Variants in CACNA2D3 observed in about 807,000 individuals in gnomAD.
The protein encoded by CACNA2D3 is calcium voltage-gated channel auxiliary subunit alpha2delta 3, also known as voltage-dependent calcium channel subunit alpha-2/delta-3.
CACNA2D3 carries 60 observed loss-of-function variants against 160.6 expected under a neutral mutation model. The ratio of observed to expected loss-of-function variants is 0.37; its 90% confidence interval spans 0.30 to 0.46. The LOEUF is 0.46. Among genes scored for constraint, CACNA2D3 ranks in the 20% least tolerant of loss-of-function variants. CACNA2D3 has a pLI of 1.00. For synonymous variants in CACNA2D3, 558 were observed against 492.9 expected, an observed-to-expected ratio of 1.13 and a Z score of -1.75; for missense variants, 1,205 against 1,365.0, an observed-to-expected ratio of 0.88 and a Z score of 1.85.
At chr3:54,145,216 C>T (rs900514661) in intron 2 of CACNA2D3, among the ~76,000 whole-genome samples, 7 of 152,200 alleles carry the variant, frequency 4.6e-5, no homozygotes, top group Admixed American at 1.3e-4. Flanking sequence ...TAGGAATTAA[C>T]AATGGCTAAT....
At chr3:54,280,243 A>G (rs7627029) in intron 2 of CACNA2D3, among the ~76,000 whole-genome samples, 75,351 of 151,744 alleles carry the variant, frequency 0.5, 19,551 homozygotes, top group East Asian at 0.86. Context: ...CACCACGCCC[A>G]GCTAATTTTT....
chr3:54,523,879 T>C (rs1701685010), intron 5 of CACNA2D3, among the ~76,000 whole-genome samples: 1 of 151,938 alleles, frequency 6.6e-6, no homozygotes, highest in Non-Finnish European at 1.5e-5. Context: ...GTAATTTGAG[T>C]TTTTCTTTCT....
chr3:54,859,299 G>A (rs1327955100), intron 17 of CACNA2D3, among the ~76,000 whole-genome samples: 22 of 152,204 alleles, frequency 1.4e-4, no homozygotes, highest in Non-Finnish European at 1.0e-4. Context: ...ACTGCACTGA[G>A]CATTGTACTT....
intron 4 of CACNA2D3, among the ~76,000 whole-genome samples, chr3:54,438,595 A>G (rs982712665): frequency 1.3e-5 from 2 of 152,228 alleles, no homozygotes; most frequent in Non-Finnish European, 2.9e-5. Flanking sequence ...TATTAAAAGC[A>G]TATAAGGTGG....
intron 3 of CACNA2D3, among the ~76,000 whole-genome samples, chr3:54,385,195 C>T (rs1699167974): frequency 6.6e-6 from 1 of 152,184 alleles, no homozygotes. Flanking sequence ...CTGGTCCTCA[C>T]CTCCAGAACT....
intron 35 of CACNA2D3, among the ~76,000 whole-genome samples, chr3:55,042,637 A>G (rs1703981410): frequency 6.6e-6 from 1 of 152,104 alleles, no homozygotes. Flanking sequence ...TACATTTTCA[A>G]TTTACTCGTG....
At chr3:54,273,455 A>G (rs1702663069) in intron 2 of CACNA2D3, among the ~76,000 whole-genome samples, 1 of 151,918 alleles carries the variant, frequency 6.6e-6, no homozygotes, top group Admixed American at 6.6e-5. Flanking sequence ...TGATTTCTTT[A>G]ATGCCCCAAT....
intron 2 of CACNA2D3, among the ~76,000 whole-genome samples, chr3:54,245,471 G>A (rs1198466176): frequency 2.0e-5 from 3 of 152,116 alleles, no homozygotes; most frequent in Non-Finnish European, 4.4e-5. Context: ...CAAGGGTTGA[G>A]GCTTTTGACC....
intron 4 of CACNA2D3, among the ~76,000 whole-genome samples, chr3:54,444,387 C>A (rs370687398): frequency 1.3e-5 from 2 of 152,118 alleles, no homozygotes; most frequent in East Asian, 1.9e-4. Flanking sequence ...TCTGTGAGGT[C>A]CCCTGTGTGT....
chr3:54,318,314 G>A (rs1703914205), intron 2 of CACNA2D3, among the ~76,000 whole-genome samples: 1 of 152,122 alleles, frequency 6.6e-6, no homozygotes, highest in Non-Finnish European at 1.5e-5. Context: ...AGTCTAGATT[G>A]AAGGAATAAA....
At chr3:54,490,481 G>T (rs953379185) in intron 4 of CACNA2D3, among the ~76,000 whole-genome samples, 2 of 152,224 alleles carry the variant, frequency 1.3e-5, no homozygotes, top group African/African-American at 4.8e-5. Flanking sequence ...GATCTAAATT[G>T]CCAGGGAGAG....
At chr3:54,166,269 A>C (rs1031492868) in intron 2 of CACNA2D3, among the ~76,000 whole-genome samples, 4 of 152,338 alleles carry the variant, frequency 2.6e-5, no homozygotes, top group Middle Eastern at 3.4e-3. Context: ...ACCACTGGCA[A>C]CCAAAGTCCA....
intron 27 of CACNA2D3, chr3:54,924,994 T>C (rs757807422): frequency 1.2e-6 from 2 of 1,613,756 alleles, no homozygotes; most frequent in African/African-American, 2.7e-5. Flanking sequence ...TTTAAGGTCA[T>C]GAGCCATGGC....
At chr3:54,290,355 T>C (rs576588973) in intron 2 of CACNA2D3, among the ~76,000 whole-genome samples, 107 of 152,186 alleles carry the variant, frequency 7.0e-4, no homozygotes, top group Admixed American at 1.9e-3. Flanking sequence ...AAAACCACAT[T>C]GAGATACCAT....
Position 54,342,413 on chromosome 3 carries a change from C to T in CACNA2D3, c.321+21855C>T, listed in dbSNP as rs948770441. Among the ~76,000 whole-genome samples the T allele has an allele frequency of 1.0e-3, 153 of 152,180 alleles. 2 individuals are homozygous for T. Among genetic ancestry groups the T allele is most frequent in the Non-Finnish European group, 2.9e-4 (20 of 68,022 alleles). ...GTATCATTCTAAAGGCATAAAATTG[C>T]GTTGAAATGGTGGAGATTGATGTTG... On this transcript the variant is annotated intron_variant, in intron 3 of 37. Coordinates refer to ENST00000474759, the MANE Select transcript of CACNA2D3 (RefSeq NM_018398.3).
At chr3:54,170,784 A>G (rs1361937488) in intron 2 of CACNA2D3, among the ~76,000 whole-genome samples, 1 of 152,338 alleles carries the variant, frequency 6.6e-6, no homozygotes, top group Non-Finnish European at 1.5e-5. Flanking sequence ...TATTCTGTTT[A>G]AGAAACCAAA....
In CACNA2D3 at chr3:54,503,577, C is replaced by T; in HGVS notation, c.467C>T (p.Pro156Leu). The change falls in exon 5 of 38, where the codon CCA (proline) becomes CTA (leucine). Residue 156 changes from proline (P) to leucine (L), a missense_variant. This residue lies in a region of CACNA2D3 where 131 missense variants were observed against 201.5 expected (regional missense o/e 0.65). Coordinates refer to ENST00000474759, the MANE Select transcript of CACNA2D3 (RefSeq NM_018398.3). ...CTGGGAAAGGAATTCATCTTAGCCC[C>T]AAATGACCATTTTAATAATTTGCCT... ...LELGKEFILAPNDHFNNLPVN... is the reference protein window; with the variant it reads ...LELGKEFILALNDHFNNLPVN... 6.2e-7 allele frequency: 1 copy of T among 1,613,654 alleles called. No individual in the cohort carries two copies. Among genetic ancestry groups the T allele is most frequent in the Non-Finnish European group, 8.5e-7 (1 of 1,179,608 alleles).
intron 13 of CACNA2D3, among the ~76,000 whole-genome samples, chr3:54,772,508 C>A (rs891848982): frequency 6.6e-6 from 1 of 151,966 alleles, no homozygotes; most frequent in Non-Finnish European, 1.5e-5. Context: ...CAGAAACTGA[C>A]AAAACTTCCT....
intron 11 of CACNA2D3, among the ~76,000 whole-genome samples, chr3:54,645,975 C>T (rs947058439): frequency 1.3e-5 from 2 of 151,944 alleles, no homozygotes; most frequent in Non-Finnish European, 2.9e-5. Context: ...TGTGTAATCT[C>T]TTTACCTTCT....
Sources: allele counts gnomAD v4.1 joint callset (sites outside exome capture counted in the v4.1 genomes callset), GRCh38; gene constraint gnomAD v4.1.1; regional missense constraint gnomAD v4.1.1; transcripts MANE v1.5; gene names NCBI Gene and HGNC (gene_info 2026-07-23, HGNC 2026-07-21).